The following HPSE2 variants were observed in gnomAD, a reference collection of about 807,000 sequenced individuals.
HPSE2 encodes the protein heparanase 2 (inactive), also known as inactive heparanase-2.
Under a neutral mutation model 60.5 loss-of-function variants are expected in HPSE2, and 38 were observed. The observed-to-expected ratio is 0.63, with a 90% confidence interval of 0.48 to 0.82. The LOEUF is 0.82. Ranked by LOEUF, HPSE2 falls within the 40% of genes least tolerant of loss-of-function variation. The pLI is 0.00. For synonymous variants in HPSE2, 295 were observed against 293.2 expected, an observed-to-expected ratio of 1.01 and a Z score of -0.06; for missense variants, 713 against 740.4, an observed-to-expected ratio of 0.96 and a Z score of 0.43.
chr10:98,789,120 T>C (rs567933271), intron 3 of HPSE2, among the ~76,000 whole-genome samples: 29 of 152,360 alleles, frequency 1.9e-4, no homozygotes, highest in African/African-American at 7.0e-4. Flanking sequence ...ATCTGTTTGG[T>C]TTGTTACAGC....
At chr10:98,954,708 T>C in intron 3 of HPSE2, among the ~76,000 whole-genome samples, 1 of 152,098 alleles carries the variant, frequency 6.6e-6, no homozygotes, top group Non-Finnish European at 1.5e-5. Context: ...TAGGAAGAAA[T>C]AAATTGAATG....
intron 3 of HPSE2, among the ~76,000 whole-genome samples, chr10:98,980,491 A>G (rs963545623): frequency 1.3e-5 from 2 of 152,186 alleles, no homozygotes; most frequent in African/African-American, 2.4e-5. Flanking sequence ...TTTATAGACA[A>G]AAAAAGGGAA....
In HPSE2 at chr10:98,600,901, A is replaced by ATG. The variant is rs1465121274; in HGVS notation, c.1320+14001_1320+14002dup. On this transcript the variant is annotated intron_variant, in intron 9 of 11. Coordinates refer to ENST00000370552, the MANE Select transcript of HPSE2 (RefSeq NM_021828.5). ...TATATATACATATATACGTATATAT[A>ATG]TGTGTGTGTGTATATATATATATAT... is the stretch of plus-strand genomic sequence containing the variant. Among the ~76,000 whole-genome samples the ATG allele has an allele frequency of 8.5e-3, 817 of 95,822 alleles. 19 individuals carry two copies. The highest frequency in any genetic ancestry group is 0.029 in the African/African-American group (565 of 19,718). 62.9% of individuals were successfully genotyped at this position (95,822 alleles called of 152,430 possible).
At chr10:98,965,304 A>G (rs1408347174) in intron 3 of HPSE2, among the ~76,000 whole-genome samples, 3 of 152,100 alleles carry the variant, frequency 2.0e-5, no homozygotes, top group Non-Finnish European at 2.9e-5. Context: ...AGGATACTAG[A>G]CTCTGAGTAA....
intron 9 of HPSE2, among the ~76,000 whole-genome samples, chr10:98,552,293 G>A (rs999856641): frequency 3.3e-5 from 5 of 151,132 alleles, no homozygotes; most frequent in African/African-American, 9.7e-5. Flanking sequence ...GTGTAATGGA[G>A]ATCATCATCA....
At chr10:98,721,262 C>A (rs544447815) in intron 5 of HPSE2, among the ~76,000 whole-genome samples, 50 of 151,996 alleles carry the variant, frequency 3.3e-4, no homozygotes, top group African/African-American at 1.2e-3. Context: ...CTTTTTAACC[C>A]AGCTTTGCTG....
chr10:99,233,299 C>T (rs1246160484), intron 1 of HPSE2, among the ~76,000 whole-genome samples: 2 of 152,156 alleles, frequency 1.3e-5, no homozygotes, highest in Non-Finnish European at 2.9e-5. Flanking sequence ...ACATCCTCCT[C>T]CCCACCCCAC....
At chr10:99,019,221 G>T (rs1321990974) in intron 3 of HPSE2, among the ~76,000 whole-genome samples, 3 of 152,186 alleles carry the variant, frequency 2.0e-5, no homozygotes, top group Non-Finnish European at 4.4e-5. Context: ...AAGTTTGGTT[G>T]CAATGTGTTA....
intron 2 of HPSE2, among the ~76,000 whole-genome samples, chr10:99,164,254 T>C (rs1206668184): frequency 8.5e-6 from 1 of 117,148 alleles, no homozygotes; most frequent in Non-Finnish European, 1.8e-5. Flanking sequence ...TATATATATA[T>C]ATATATATAT....
intron 9 of HPSE2, among the ~76,000 whole-genome samples, chr10:98,497,267 A>G (rs547529886): frequency 4.6e-5 from 7 of 152,306 alleles, no homozygotes; most frequent in East Asian, 3.9e-4. Context: ...TCAACATTAC[A>G]ATGAAATGAC....
intron 6 of HPSE2, among the ~76,000 whole-genome samples, chr10:98,667,833 CGG>C (rs1465997481): frequency 6.6e-6 from 1 of 152,016 alleles, no homozygotes; most frequent in Non-Finnish European, 1.5e-5. Context: ...ATATTGAATG[CGG>C]AAAAGCTACA....
intron 3 of HPSE2, among the ~76,000 whole-genome samples, chr10:98,858,356 T>C (rs991292117): frequency 6.6e-6 from 1 of 152,172 alleles, no homozygotes; most frequent in African/African-American, 2.4e-5. Flanking sequence ...CTGTGAAGCA[T>C]GATTATTAAG....
chr10:98,918,042 T>C (rs1165101356), intron 3 of HPSE2, among the ~76,000 whole-genome samples: 1 of 152,184 alleles, frequency 6.6e-6, no homozygotes, highest in African/African-American at 2.4e-5. Flanking sequence ...TCTGTACACA[T>C]ATGTTATACA....
At chr10:98,838,651 T>G (rs896387029) in intron 3 of HPSE2, among the ~76,000 whole-genome samples, 1 of 151,910 alleles carries the variant, frequency 6.6e-6, no homozygotes, top group Non-Finnish European at 1.5e-5. Flanking sequence ...AGGGTGGTCC[T>G]GAACTCCTGG....
chr10:98,882,484 C>T lies in HPSE2; in HGVS notation c.611-138428G>A, dbSNP rs538541787. Reference sequence around the variant, plus strand: ...TTGGCTTCAGATTGTAAACTGGGTTCGAATCAGCTTTGTGTGCTTTCTTAT... The same window carrying T: ...TTGGCTTCAGATTGTAAACTGGGTTTGAATCAGCTTTGTGTGCTTTCTTAT... On this transcript the variant is annotated intron_variant, in intron 3 of 11. Transcript: ENST00000370552. Among the ~76,000 whole-genome samples the T allele has an allele frequency of 6.0e-4, 91 of 151,886 alleles. 1 individual carries two copies. Among genetic ancestry groups the T allele is most frequent in the Non-Finnish European group, 1.2e-3 (79 of 67,964 alleles).
chr10:98,517,976 G>T (rs568316024), intron 9 of HPSE2, among the ~76,000 whole-genome samples: 8 of 152,330 alleles, frequency 5.3e-5, no homozygotes, highest in African/African-American at 1.9e-4. Flanking sequence ...TATTACCCAA[G>T]AAGTAACAGT....
chr10:99,122,115 T>C (rs144110215), intron 3 of HPSE2, among the ~76,000 whole-genome samples: 36 of 152,116 alleles, frequency 2.4e-4, no homozygotes, highest in African/African-American at 7.0e-4. Context: ...CGAGAATGCA[T>C]AGAGATGATT....
chr10:98,611,299 A>G (rs139193221), intron 9 of HPSE2, among the ~76,000 whole-genome samples: 1 of 152,296 alleles, frequency 6.6e-6, no homozygotes, highest in African/African-American at 2.4e-5. Flanking sequence ...ATTCTCTCTT[A>G]CCTTAGATTG....
intron 2 of HPSE2, among the ~76,000 whole-genome samples, chr10:99,210,487 A>G (rs947768728): frequency 6.6e-6 from 1 of 152,250 alleles, no homozygotes; most frequent in Non-Finnish European, 1.5e-5. Flanking sequence ...TTATGGACCA[A>G]TATCTCTGAT....
Sources: gnomAD v4.1 joint callset for allele counts (sites outside exome capture counted in the v4.1 genomes callset) on GRCh38, gnomAD v4.1.1 for gene constraint, MANE v1.5 for transcripts, NCBI Gene and HGNC (gene_info 2026-07-23, HGNC 2026-07-21) for gene names.